The following ARHGAP35 variants were observed in gnomAD, a reference collection of about 807,000 sequenced individuals.
ARHGAP35 encodes the protein rho GTPase-activating protein 35.
A neutral mutation model predicts 111.1 loss-of-function variants in ARHGAP35; 15 were observed. The ratio of observed to expected loss-of-function variants is 0.13; its 90% CI spans 0.09 to 0.21. ARHGAP35 has a LOEUF of 0.21. ARHGAP35 is among the 10% of genes least tolerant of loss of function. ARHGAP35 has a pLI of 1.00. For missense variants in ARHGAP35, 1,262 were observed against 1,873.0 expected, an observed-to-expected ratio of 0.67 and a Z score of 6.02; for synonymous variants, 643 against 710.3, an observed-to-expected ratio of 0.91 and a Z score of 1.51.
intron 5 of ARHGAP35, among the ~76,000 whole-genome samples, chr19:46,995,992 C>A (rs1319759432): frequency 1.3e-5 from 2 of 152,340 alleles, no homozygotes; most frequent in East Asian, 1.9e-4. Context: ...CTGGACCAGG[C>A]AGCCAGTGGG....
chr19:46,932,221 G>A (rs2056276876), intron 2 of ARHGAP35, among the ~76,000 whole-genome samples: 1 of 152,230 alleles, frequency 6.6e-6, no homozygotes, highest in Non-Finnish European at 1.5e-5. Flanking sequence ...GGCGGAGGTT[G>A]TAGTGAGCCA....
In ARHGAP35 at chr19:46,992,443, G is replaced by T. The variant is rs2056684261; in HGVS notation, c.4036+2768G>T. Among the ~76,000 whole-genome samples the T allele has an allele frequency of 1.3e-5, 2 of 152,158 alleles. No homozygotes were observed. Among genetic ancestry groups the T allele is most frequent in the Admixed American group, 1.3e-4 (2 of 15,278 alleles). ...GGGGAGATGGGCCAGGGTTTCAGGA[G>T]GCAGAAGAAAAGGCTTGCGCTGCCT... On this transcript the variant is annotated intron_variant, in intron 5 of 6. Transcript: ENST00000672722. The surrounding 1 kb of genome is among the most constrained non-coding windows in gnomAD (Gnocchi z 4.4).
chr19:46,979,804 A>T (rs2056611294), intron 3 of ARHGAP35, among the ~76,000 whole-genome samples: 1 of 152,138 alleles, frequency 6.6e-6, no homozygotes, highest in Non-Finnish European at 1.5e-5. Context: ...CATGGGGGGA[A>T]AGTCTGGCAC....
chr19:46,973,762 T>C (rs2056565143), intron 3 of ARHGAP35, among the ~76,000 whole-genome samples: 1 of 151,138 alleles, frequency 6.6e-6, no homozygotes, highest in Non-Finnish European at 1.5e-5. Flanking sequence ...CCGATGCAGG[T>C]GGATCACAAG....
At chr19:46,927,958 G>A (rs1049276127) in intron 2 of ARHGAP35, among the ~76,000 whole-genome samples, 10 of 152,266 alleles carry the variant, frequency 6.6e-5, no homozygotes, top group African/African-American at 2.4e-4. Context: ...TCAAACAAAA[G>A]ATCTTTGATT....
rs1466965267 is a variant in ARHGAP35 at position 47,000,244 on chromosome 19, C to T, written c.4143-87C>T. On this transcript the variant is annotated intron_variant, in intron 6 of 6. Coordinates refer to ENST00000672722, the MANE Select transcript of ARHGAP35 (RefSeq NM_004491.5). The surrounding 1 kb of genome is among the most constrained non-coding windows in gnomAD (Gnocchi z 6.9). Reference sequence around the variant, plus strand: ...CTCCACCTGAGGGAAGAAAGGTGGGCTCAGCCTGGGTGCTGAAGACCATGA... The same window carrying T: ...CTCCACCTGAGGGAAGAAAGGTGGGTTCAGCCTGGGTGCTGAAGACCATGA... The T allele has an allele frequency of 1.4e-5, 20 of 1,391,682 alleles. No individual in the cohort carries two copies. The highest frequency in any genetic ancestry group is 2.0e-5 in the Non-Finnish European group (20 of 1,012,876). The allele number at this position is 1,391,682 out of a possible 1,614,324, so 86.2% of individuals were successfully genotyped here.
At chr19:46,990,088 T>C (rs913873182) in intron 5 of ARHGAP35, among the ~76,000 whole-genome samples, 5 of 152,192 alleles carry the variant, frequency 3.3e-5, no homozygotes, top group Non-Finnish European at 5.9e-5. Flanking sequence ...GTAGGTCTTA[T>C]TTTTCTTTCC....
rs1045005694 is a variant in ARHGAP35 at position 46,926,966 on chromosome 19, C to T, written c.3681+4610C>T. On this transcript the variant is annotated intron_variant, in intron 2 of 6. Coordinates refer to ENST00000672722, the MANE Select transcript of ARHGAP35 (RefSeq NM_004491.5). This position sits in a 1 kb window ranked among gnomAD's most constrained non-coding sequence, Gnocchi z 4.1. The stretch of plus-strand genomic sequence containing the variant: ...GGGATGTTGAGTTTTGACAGACAAG[C>T]TGAATGCGATGAAATATGAGCTCTT... 4.6e-5 allele frequency among the ~76,000 whole-genome samples: 7 copies of T among 152,190 alleles called. No homozygotes were observed. In the East Asian group the frequency reaches 1.3e-3, roughly 29 times the overall value.
chr19:46,980,499 C>T (rs372982326), intron 3 of ARHGAP35, among the ~76,000 whole-genome samples: 35 of 152,324 alleles, frequency 2.3e-4, no homozygotes, highest in African/African-American at 8.2e-4. Context: ...TACTCTCAGA[C>T]ACCCAGCCTA....
rs201953230 is a variant in ARHGAP35, at chr19:46,905,557, C to CG, written c.-188-12931_-188-12930insG. 8.2e-4 allele frequency among the ~76,000 whole-genome samples: 110 copies of CG among 133,728 alleles called. 2 individuals are homozygous for CG. The highest frequency in any genetic ancestry group is 1.2e-3 in the Non-Finnish European group (72 of 62,578). 87.7% of individuals were successfully genotyped at this position (133,728 alleles called of 152,430 possible). A position where few individuals can be genotyped will look rare whatever the true frequency, so the allele number is the denominator to read the frequency against. On this transcript the variant is annotated intron_variant, in intron 1 of 6. Transcript: ENST00000672722. ...CGCCCAGCTAATTTTTGTATTCCAC[C>CG]CCCCCCCCCCAAGACAGAGTCTTAC... is the stretch of plus-strand genomic sequence containing the variant.
At chr19:46,941,924 A>C (rs1272397282) in intron 3 of ARHGAP35, among the ~76,000 whole-genome samples, 1 of 148,626 alleles carries the variant, frequency 6.7e-6, no homozygotes, top group African/African-American at 2.5e-5. Flanking sequence ...AGTGGTTTTC[A>C]ATCTGGAACA....
In ARHGAP35 at chr19:47,004,597, T is replaced by G. The variant is rs998005115; in HGVS notation, c.*3909T>G. On this transcript the variant is annotated 3_prime_UTR_variant, in exon 7 of 7. Coordinates refer to ENST00000672722, the MANE Select transcript of ARHGAP35 (RefSeq NM_004491.5). Reference sequence around the variant, plus strand: ...CCAGCTTATTTTTCTGGTACTTGTATTTTCACATGTTAAATGATCTTTATA... The same window carrying G: ...CCAGCTTATTTTTCTGGTACTTGTAGTTTCACATGTTAAATGATCTTTATA... 2.0e-5 allele frequency: 3 copies of G among 152,692 alleles called. No homozygotes were observed. Among genetic ancestry groups the G allele is most frequent in the African/African-American group, 4.8e-5 (2 of 41,468 alleles). The allele number at this position is 152,692 out of a possible 1,614,324, so 9.5% of individuals were successfully genotyped here.
At chr19:46,954,770 A>G (rs2056429999) in intron 3 of ARHGAP35, among the ~76,000 whole-genome samples, 1 of 152,272 alleles carries the variant, frequency 6.6e-6, no homozygotes. Flanking sequence ...TTTGGTTGAA[A>G]CAAGACCTTT....
chr19:46,864,164 G>T (rs1288629686), intron 1 of ARHGAP35, among the ~76,000 whole-genome samples: 1 of 152,234 alleles, frequency 6.6e-6, no homozygotes, highest in Admixed American at 6.5e-5. Context: ...CCAGGAACTG[G>T]CGGATGTGAT....
intron 3 of ARHGAP35, among the ~76,000 whole-genome samples, chr19:46,962,741 G>T (rs577327648): frequency 6.6e-6 from 1 of 152,246 alleles, no homozygotes; most frequent in South Asian, 2.1e-4. Flanking sequence ...AGCCTCCCAC[G>T]TAGATGGGAT....
At position 47,000,762 on chromosome 19, in the gene ARHGAP35, A is replaced by G. The variant is rs2056743577; in HGVS notation, c.*74A>G. On this transcript the variant is annotated 3_prime_UTR_variant, in exon 7 of 7. Transcript: ENST00000672722. This position sits in a 1 kb window ranked among gnomAD's most constrained non-coding sequence, Gnocchi z 6.9. ...GTGGCATTTGGCCTTGAACAAAACC[A>G]AGTCCACTGGGGACAGAGGCAGGGG... 1 of 1,530,526 alleles carries G rather than the reference A, an allele frequency of 6.5e-7. No individual in the cohort carries two copies. Among genetic ancestry groups the G allele is most frequent in the Non-Finnish European group, 8.8e-7 (1 of 1,135,974 alleles). 94.8% of individuals were successfully genotyped at this position (1,530,526 alleles called of 1,614,324 possible). A position where few individuals can be genotyped will look rare whatever the true frequency, so the allele number is the denominator to read the frequency against.
At chr19:46,869,875 G>A (rs1296963988) in intron 1 of ARHGAP35, among the ~76,000 whole-genome samples, 2 of 150,986 alleles carry the variant, frequency 1.3e-5, no homozygotes, top group South Asian at 2.1e-4. Context: ...GCCTGTTAAC[G>A]TTGTAGGTAG....
chr19:46,972,999 A>G (rs1413322882), intron 3 of ARHGAP35, among the ~76,000 whole-genome samples: 1 of 140,118 alleles, frequency 7.1e-6, no homozygotes, highest in Non-Finnish European at 1.5e-5. Context: ...TTTACTTCCA[A>G]ACCTCTCTTA....
At chr19:46,982,079 C>T (rs2056623764) in intron 3 of ARHGAP35, among the ~76,000 whole-genome samples, 1 of 152,110 alleles carries the variant, frequency 6.6e-6, no homozygotes, top group South Asian at 2.1e-4. Context: ...TCGAACTGGG[C>T]TCAAGCAATC....
Sources: allele counts gnomAD v4.1 joint callset (sites outside exome capture counted in the v4.1 genomes callset), GRCh38; gene constraint gnomAD v4.1.1; non-coding constraint Gnocchi (gnomAD v3.1); transcripts MANE v1.5; gene names NCBI Gene and HGNC (gene_info 2026-07-23, HGNC 2026-07-21).